Variants in MAEA observed in about 807,000 individuals in gnomAD.
MAEA encodes the protein E3 ubiquitin-protein transferase MAEA.
A neutral mutation model predicts 46.2 loss-of-function variants in MAEA; 22 were observed. That is an observed-to-expected ratio of 0.48 (90% CI 0.34 to 0.68). The LOEUF (loss-of-function observed/expected upper bound fraction) is 0.68, where lower values mean the gene tolerates loss of function less well. MAEA is among the 30% of genes least tolerant of loss of function. MAEA has a pLI of 0.01. For missense variants in MAEA, 393 were observed against 558.1 expected (o/e 0.70, Z 2.98); for synonymous variants, 246 against 222.6 (o/e 1.11, Z -0.94).
intron 3 of MAEA, among the ~76,000 whole-genome samples, chr4:1,320,146 TCAAAG>T (rs1274130321): frequency 7.9e-6 from 1 of 126,342 alleles, no homozygotes; most frequent in Non-Finnish European, 1.6e-5. Flanking sequence ...AAAAGAATCA[TCAAAG>T]CAAACATGCA....
chr4:1,306,970 T>C (rs925894416), intron 1 of MAEA, among the ~76,000 whole-genome samples: 4 of 152,206 alleles, frequency 2.6e-5, no homozygotes, highest in African/African-American at 9.6e-5. Flanking sequence ...TGTATGTAAA[T>C]GGACCCTGCC....
chr4:1,333,971 C>CCCA (rs1383294793), intron 6 of MAEA, among the ~76,000 whole-genome samples: 2 of 87,200 alleles, frequency 2.3e-5, no homozygotes, highest in African/African-American at 1.0e-4. Context: ...CACCCCCATG[C>CCCA]CCGTGTGCTC....
At chr4:1,305,548 T>A (rs1735745263) in intron 1 of MAEA, among the ~76,000 whole-genome samples, 1 of 152,182 alleles carries the variant, frequency 6.6e-6, no homozygotes, top group South Asian at 2.1e-4. Context: ...GGTAGGTGTC[T>A]TTACCTTTTA....
At chr4:1,320,463 C>T (rs2108949328) in intron 3 of MAEA, among the ~76,000 whole-genome samples, 1 of 147,978 alleles carries the variant, frequency 6.8e-6, no homozygotes, top group East Asian at 2.0e-4. Context: ...CAAGAAAACG[C>T]TATGAAGGGG....
At chr4:1,296,575 C>G (rs1172984174) in intron 1 of MAEA, among the ~76,000 whole-genome samples, 1 of 151,580 alleles carries the variant, frequency 6.6e-6, no homozygotes, top group Non-Finnish European at 1.5e-5. Context: ...GTCGGTTTTC[C>G]CATTGGCTGT....
chr4:1,334,790 G>C, intron 6 of MAEA: 1 of 823,522 alleles, frequency 1.2e-6, no homozygotes, highest in African/African-American at 1.8e-5. Context: ...GCCACCAGAA[G>C]CCCAGAGGCA....
At chr4:1,318,102 G>T (rs776218112) in intron 3 of MAEA, among the ~76,000 whole-genome samples, 1 of 141,172 alleles carries the variant, frequency 7.1e-6, no homozygotes, top group African/African-American at 2.5e-5. Context: ...CCCTGGCCCC[G>T]TGTGCCCGGC....
intron 1 of MAEA, among the ~76,000 whole-genome samples, chr4:1,303,393 C>T (rs1375917622): frequency 4.2e-5 from 2 of 47,646 alleles, no homozygotes; most frequent in Non-Finnish European, 3.2e-5. Flanking sequence ...CAGTGAGACT[C>T]TGTCTCAAAA....
At chr4:1,338,764 TG>T in intron 8 of MAEA, 147 bp downstream of exon 8, 1 of 827,368 alleles carries the variant, frequency 1.2e-6, no homozygotes, top group South Asian at 1.7e-5. Flanking sequence ...GGGGCCAGGC[TG>T]GCACGCGTCG....
Position 1,311,382 on chromosome 4 carries a change from A to T in MAEA, c.70-597A>T, listed in dbSNP as rs1185743963. Among the ~76,000 whole-genome samples, 1 of 152,276 alleles carries T rather than the reference A, an allele frequency of 6.6e-6. No homozygotes were observed. The highest frequency in any genetic ancestry group is 1.5e-5 in the Non-Finnish European group (1 of 68,046). ...GGACAGAAAACTAACAACGACTTTA[A>T]GATTCTCCTTGATTGGCTTATTTCC... On this transcript the variant is annotated intron_variant, in intron 1 of 8. Transcript: ENST00000303400. This position sits in a 1 kb window ranked among gnomAD's most constrained non-coding sequence, Gnocchi z 4.4.
chr4:1,300,797 C>T (rs1735246786), intron 1 of MAEA, among the ~76,000 whole-genome samples: 1 of 152,236 alleles, frequency 6.6e-6, no homozygotes, highest in African/African-American at 2.4e-5. Flanking sequence ...TAGGGCGCAA[C>T]ATCAATCTGG....
chr4:1,335,359 C>A lies in MAEA; in HGVS notation c.766-1502C>A, dbSNP rs184614237. ...ACATTCCAGATCATTCAAGTTGATTCACAAGTGAGTGTAGCAGAGTTAAGT... is the reference window on the plus strand; with the variant it reads ...ACATTCCAGATCATTCAAGTTGATTAACAAGTGAGTGTAGCAGAGTTAAGT... On this transcript the variant is annotated intron_variant, in intron 6 of 8. Transcript: ENST00000303400. 12 of 985,498 alleles carry A rather than the reference C, an allele frequency of 1.2e-5. No individual in the cohort carries two copies. The East Asian group carries it at 1.0e-3, about 84-fold the overall frequency. 61.0% of individuals were successfully genotyped at this position (985,498 alleles called of 1,614,324 possible).
At chr4:1,309,993 G>A (rs1736284216) in intron 1 of MAEA, 1 of 1,238,064 alleles carries the variant, frequency 8.1e-7, no homozygotes, top group African/African-American at 1.5e-5. Context: ...TCTGGAATGT[G>A]CTGGTGTGCG....
intron 1 of MAEA, among the ~76,000 whole-genome samples, chr4:1,293,125 C>A (rs1257291259): frequency 6.6e-6 from 1 of 152,042 alleles, no homozygotes; most frequent in East Asian, 1.9e-4. Flanking sequence ...GAACTCCTGA[C>A]CTCAGGAATT....
rs1577175523 is a variant in MAEA at position 1,314,012 on chromosome 4, C to T, written c.253-1385C>T. On this transcript the variant is annotated intron_variant, in intron 2 of 8. Transcript: ENST00000303400. Reference sequence around the variant, plus strand: ...TTGTGTCACTGTACTCCAGACTGGGCAACAGAGTGAGACACTGTCTTAAAA... The same window carrying T: ...TTGTGTCACTGTACTCCAGACTGGGTAACAGAGTGAGACACTGTCTTAAAA... Among the ~76,000 whole-genome samples, 4 of 152,098 alleles carry T rather than the reference C, an allele frequency of 2.6e-5. No individual in the cohort carries two copies. In the South Asian group the frequency reaches 8.3e-4, roughly 32 times the overall value.
chr4:1,327,251 G>C lies in MAEA; in HGVS notation c.580-376G>C, dbSNP rs976906134. Among the ~76,000 whole-genome samples the C allele has an allele frequency of 2.6e-5, 4 of 152,358 alleles. 1 individual carries two copies. The highest frequency in any genetic ancestry group is 2.4e-5 in the African/African-American group (1 of 41,586). The stretch of plus-strand genomic sequence containing the variant: ...AGCAGTGGCCTCAGGGCGGGACCCA[G>C]GAAGCTGCTTTGTCCTTGCAGAGGG... On this transcript the variant is annotated intron_variant, in intron 4 of 8. Transcript: ENST00000303400.
intron 3 of MAEA, among the ~76,000 whole-genome samples, chr4:1,316,403 T>C (rs1737175941): frequency 6.6e-6 from 1 of 152,148 alleles, no homozygotes. Flanking sequence ...CAGATCCTGC[T>C]GTGGGAGCAC....
At chr4:1,309,784 C>G in intron 1 of MAEA, 1 of 1,432,398 alleles carries the variant, frequency 7.0e-7, no homozygotes, top group Non-Finnish European at 9.2e-7. Context: ...AGGGCCTTTT[C>G]CCTTGCACTG....
intron 1 of MAEA, among the ~76,000 whole-genome samples, chr4:1,290,661 C>T (rs1305237404): frequency 6.6e-6 from 1 of 152,212 alleles, no homozygotes; most frequent in Non-Finnish European, 1.5e-5. Flanking sequence ...AGATCAAGGT[C>T]ATAGCTTTCC....
Sources: allele counts gnomAD v4.1 joint callset (sites outside exome capture counted in the v4.1 genomes callset), GRCh38; gene constraint gnomAD v4.1.1; non-coding constraint Gnocchi (gnomAD v3.1); transcripts MANE v1.5; gene names NCBI Gene and HGNC (gene_info 2026-07-23, HGNC 2026-07-21).